Variants in OSBPL6 observed in about 807,000 individuals in gnomAD.
The protein encoded by OSBPL6 is oxysterol binding protein like 6, also known as oxysterol-binding protein-related protein 6.
OSBPL6 carries 49 observed loss-of-function variants against 125.8 expected under a neutral mutation model. That is an observed-to-expected ratio of 0.39 (90% CI 0.31 to 0.49). The LOEUF (loss-of-function observed/expected upper bound fraction) is 0.49. Among genes scored for constraint, OSBPL6 ranks in the 20% least tolerant of loss-of-function variants. OSBPL6 has a pLI of 0.88. For missense variants in OSBPL6, 986 were observed against 1,135.4 expected (o/e 0.87, Z 1.89); for synonymous variants, 394 against 391.8 (o/e 1.01, Z -0.07).
At chr2:178,384,206 T>C (rs751479711) in intron 18 of OSBPL6, 30 bp downstream of exon 18, 4 of 1,605,820 alleles carry the variant, frequency 2.5e-6, no homozygotes, top group Non-Finnish European at 3.4e-6. Context: ...GTGAGGTTTC[T>C]ATATAGGTAA....
chr2:178,337,668 TAAG>T (rs1689810274), intron 9 of OSBPL6, among the ~76,000 whole-genome samples: 1 of 152,214 alleles, frequency 6.6e-6, no homozygotes, highest in South Asian at 2.1e-4. Context: ...ATTTGACAGA[TAAG>T]GAAACTACAA....
intron 1 of OSBPL6, among the ~76,000 whole-genome samples, chr2:178,277,620 A>G (rs1001732006): frequency 2.6e-5 from 4 of 152,260 alleles, no homozygotes; most frequent in African/African-American, 9.6e-5. Flanking sequence ...ATAGTTTATT[A>G]GCATTTATAA....
chr2:178,397,186 C>T lies in OSBPL6; in HGVS notation c.*1627C>T, dbSNP rs1432707523. The T allele has an allele frequency of 6.6e-6, 1 of 152,174 alleles. No homozygotes were observed. The highest frequency in any genetic ancestry group is 1.5e-5 in the Non-Finnish European group (1 of 68,030). 9.4% of individuals were successfully genotyped at this position (152,174 alleles called of 1,614,324 possible). On this transcript the variant is annotated 3_prime_UTR_variant, in exon 25 of 25. Transcript: ENST00000190611. ...CTGCTGATGAGAGTGTAAGAGAAAGCGCTAACGTTTCCACTAGATGGCGCA... is the reference window on the plus strand; with the variant it reads ...CTGCTGATGAGAGTGTAAGAGAAAGTGCTAACGTTTCCACTAGATGGCGCA...
intron 11 of OSBPL6, among the ~76,000 whole-genome samples, chr2:178,343,558 G>C (rs1186226217): frequency 6.6e-6 from 1 of 151,956 alleles, no homozygotes; most frequent in East Asian, 1.9e-4. Context: ...TTGTGCATAG[G>C]TGCACATTAC....
chr2:178,394,961 AG>A (rs1392189059), intron 24 of OSBPL6, among the ~76,000 whole-genome samples: 2 of 152,198 alleles, frequency 1.3e-5, no homozygotes, highest in Non-Finnish European at 2.9e-5. Context: ...CAAAAAGCTC[AG>A]GGTAACCTTA....
chr2:178,349,248 C>T lies in OSBPL6; in HGVS notation c.1012C>T (p.Pro338Ser). Reference protein sequence around the residue: ...LQVPFSATMSPVRLHSSNPNL... With the variant: ...LQVPFSATMSSVRLHSSNPNL... ...GGTTCCTTTCAGTGCTACCATGTCA[C>T]CAGTTCGCTTGCATTCCTCCAACCC... The change falls in exon 12 of 25, where the codon CCA (proline) becomes TCA (serine). Residue 338 changes from proline (P) to serine (S), a missense_variant. Physicochemically the swap from Pro to Ser is moderately conservative, Grantham distance 74 (BLOSUM62 -1). This residue lies in a region of OSBPL6 where 843 missense variants were observed against 997.3 expected (regional missense o/e 0.85). Coordinates refer to ENST00000190611, the MANE Select transcript of OSBPL6 (RefSeq NM_032523.4). 2.5e-6 allele frequency: 4 copies of T among 1,614,140 alleles called. No homozygotes were observed. Among genetic ancestry groups the T allele is most frequent in the Non-Finnish European group, 3.4e-6 (4 of 1,180,002 alleles).
At chr2:178,328,504 T>C in intron 5 of OSBPL6, 126 bp downstream of exon 5, 1 of 1,137,536 alleles carries the variant, frequency 8.8e-7, no homozygotes, top group Non-Finnish European at 1.2e-6. Context: ...AAACTTTTTT[T>C]TGAGACAGAT....
chr2:178,336,320 C>T lies in OSBPL6; in HGVS notation c.677C>T (p.Pro226Leu), dbSNP rs150369933. The change falls in exon 9 of 25, where the codon CCG (proline) becomes CTG (leucine). Residue 226 changes from proline to leucine, a missense_variant. Physicochemically the swap from Pro to Leu is moderately conservative, Grantham distance 98. Transcript: ENST00000190611. The part of the protein sequence containing the change: ...MDGKMQPNSF[P>L]WQSPLPCSNS... ...CCGTAGATGCAACCAAACAGCTTTC[C>T]GTGGCAGTCCCCTTTACCATGCAGC... 3.2e-4 allele frequency: 514 copies of T among 1,613,938 alleles called. 3 individuals are homozygous for T. Among genetic ancestry groups the T allele is most frequent in the Admixed American group, 3.0e-3 (177 of 59,998 alleles).
At position 178,395,571 on chromosome 2, in the gene OSBPL6, A is replaced by G; in HGVS notation, c.*12A>G. The G allele has an allele frequency of 6.5e-7, 1 of 1,543,248 alleles. No individual in the cohort carries two copies. The highest frequency in any genetic ancestry group is 8.9e-7 in the Non-Finnish European group (1 of 1,117,384). ...CTGTTCTTTGGTAGACTGGGAATGTAGAGCTAGCCAACATATCACATTCTG... is the reference window on the plus strand; with the variant it reads ...CTGTTCTTTGGTAGACTGGGAATGTGGAGCTAGCCAACATATCACATTCTG... On this transcript the variant is annotated 3_prime_UTR_variant, in exon 25 of 25. Transcript: ENST00000190611.
intron 1 of OSBPL6, among the ~76,000 whole-genome samples, chr2:178,213,809 G>A (rs529063717): frequency 6.6e-6 from 1 of 152,290 alleles, no homozygotes; most frequent in South Asian, 2.1e-4. Flanking sequence ...CATGTAGATG[G>A]TTTACTGCAT....
chr2:178,368,437 C>T (rs990664682), intron 13 of OSBPL6, among the ~76,000 whole-genome samples: 8 of 152,260 alleles, frequency 5.3e-5, no homozygotes, highest in East Asian at 1.9e-4. Context: ...AAAATGATGT[C>T]TTTAAAACTT....
intron 12 of OSBPL6, 133 bp from the exon 13 acceptor site, chr2:178,361,549 A>G (rs1323181748): frequency 3.9e-6 from 4 of 1,021,356 alleles, no homozygotes; most frequent in Non-Finnish European, 5.7e-6. Context: ...TTGAAGGCTG[A>G]TTTTTAATTA....
intron 1 of OSBPL6, among the ~76,000 whole-genome samples, chr2:178,275,496 ACT>A (rs1170167759): frequency 1.3e-5 from 2 of 152,038 alleles, no homozygotes; most frequent in Non-Finnish European, 2.9e-5. Flanking sequence ...TGAGAGTGAG[ACT>A]CTGTCTCAAA....
rs1292989295 is a variant in OSBPL6 at position 178,399,622 on chromosome 2, C to T, written c.*4063C>T. On this transcript the variant is annotated 3_prime_UTR_variant, in exon 25 of 25. Transcript: ENST00000190611. ...AAATGAAGCTTCATGATTAAGGCAG[C>T]TTACAGATAAGTGGAAAAGAACTTA... 2.6e-5 allele frequency: 4 copies of T among 152,186 alleles called. No homozygotes were observed. The highest frequency in any genetic ancestry group is 9.7e-5 in the African/African-American group (4 of 41,450). 9.4% of individuals were successfully genotyped at this position (152,186 alleles called of 1,614,324 possible). A position where few individuals can be genotyped will look rare whatever the true frequency, so the allele number is the denominator to read the frequency against.
intron 15 of OSBPL6, among the ~76,000 whole-genome samples, chr2:178,379,996 G>T (rs1694311264): frequency 6.6e-6 from 1 of 152,126 alleles, no homozygotes; most frequent in Admixed American, 6.5e-5. Flanking sequence ...ACAAAGACCA[G>T]TTGTTTTTAT....
At chr2:178,378,499 C>T (rs940289177) in intron 15 of OSBPL6, among the ~76,000 whole-genome samples, 2 of 152,192 alleles carry the variant, frequency 1.3e-5, no homozygotes, top group Non-Finnish European at 2.9e-5. Flanking sequence ...AAAAAATGTT[C>T]TTCTTGCTTC....
At chr2:178,323,000 G>T (rs1457221771) in intron 3 of OSBPL6, among the ~76,000 whole-genome samples, 4 of 151,360 alleles carry the variant, frequency 2.6e-5, no homozygotes, top group Non-Finnish European at 4.4e-5. Context: ...TTTGAAGAGT[G>T]CATGAAACAA....
At chr2:178,210,823 A>AAAACAC in intron 1 of OSBPL6, among the ~76,000 whole-genome samples, 1 of 145,484 alleles carries the variant, frequency 6.9e-6, no homozygotes, top group African/African-American at 2.6e-5. Flanking sequence ...AAAAAAAAAA[A>AAAACAC]ACACACACAC....
chr2:178,375,830 A>C (rs955451917), intron 15 of OSBPL6, among the ~76,000 whole-genome samples: 2 of 152,166 alleles, frequency 1.3e-5, no homozygotes, highest in Non-Finnish European at 2.9e-5. Context: ...AGATATTTCC[A>C]AGTCCCTGGG....
Sources: allele counts gnomAD v4.1 joint callset (sites outside exome capture counted in the v4.1 genomes callset), GRCh38; gene constraint gnomAD v4.1.1; regional missense constraint gnomAD v4.1.1; transcripts MANE v1.5; gene names NCBI Gene and HGNC (gene_info 2026-07-23, HGNC 2026-07-21).